Variants in CBX1 observed in about 807,000 individuals in gnomAD.
CBX1 encodes chromobox protein homolog 1.
A neutral mutation model predicts 25.1 loss-of-function variants in CBX1; 10 were observed. The ratio of observed to expected loss-of-function variants is 0.40; its 90% CI spans 0.25 to 0.68. CBX1 has a LOEUF of 0.68. CBX1 is among the 30% of genes least tolerant of loss of function. The pLI, the probability that CBX1 is intolerant of heterozygous loss-of-function variation, is 0.40. For missense variants in CBX1, 106 were observed against 218.5 expected (o/e 0.49, Z 3.25); for synonymous variants, 63 against 79.4 (o/e 0.79, Z 1.10).
At chr17:48,078,778 G>A (rs2037702129) in intron 1 of CBX1, among the ~76,000 whole-genome samples, 1 of 143,398 alleles carries the variant, frequency 7.0e-6, no homozygotes, top group Non-Finnish European at 1.5e-5. Context: ...GTGAGCCACC[G>A]TGCCTGGACT....
chr17:48,089,747 C>T lies in CBX1; in HGVS notation c.-38+11521G>A, dbSNP rs371237046. ...CTGAGGCAGGAGAATCACTTGAACC[C>T]GGGAGGTGGAGGTTGTAGTGGGCCG... On this transcript the variant is annotated intron_variant, in intron 1 of 4. Coordinates refer to ENST00000225603, the MANE Select transcript of CBX1 (RefSeq NM_001127228.2). Among the ~76,000 whole-genome samples, 696 of 149,404 alleles carry T rather than the reference C, an allele frequency of 4.7e-3. 3 individuals are homozygous for T. Among genetic ancestry groups the T allele is most frequent in the African/African-American group, 0.016 (652 of 40,794 alleles).
chr17:48,073,642 C>CA (rs776136154), intron 4 of CBX1, among the ~76,000 whole-genome samples: 5 of 151,898 alleles, frequency 3.3e-5, no homozygotes, highest in African/African-American at 4.8e-5. Flanking sequence ...GCCTGGCCAA[C>CA]ATGGTGAAAC....
Position 48,101,375 on chromosome 17 carries a change from C to G in CBX1, c.-145G>C, listed in dbSNP as rs2063409153. The G allele has an allele frequency of 4.1e-6, 4 of 985,832 alleles. No individual in the cohort carries two copies. The highest frequency in any genetic ancestry group is 4.8e-6 in the Non-Finnish European group (4 of 830,154). 61.1% of individuals were successfully genotyped at this position (985,832 alleles called of 1,614,324 possible). A position where few individuals can be genotyped will look rare whatever the true frequency, so the allele number is the denominator to read the frequency against. On this transcript the variant is annotated 5_prime_UTR_variant, in exon 1 of 5. Transcript: ENST00000225603. Reference sequence around the variant, plus strand: ...CCAGGAAGGCAGCAAGCCGGGTGGCCGCAGTGGCGTCCCTCACTGAAGCGG... The same window carrying G: ...CCAGGAAGGCAGCAAGCCGGGTGGCGGCAGTGGCGTCCCTCACTGAAGCGG...
intron 1 of CBX1, among the ~76,000 whole-genome samples, chr17:48,086,486 G>A (rs1373610490): frequency 6.6e-6 from 1 of 152,140 alleles, no homozygotes; most frequent in African/African-American, 2.4e-5. Context: ...ATAAATGTGA[G>A]GCCATGGTAA....
chr17:48,077,429 TGTTG>T (rs2037685232), intron 1 of CBX1, among the ~76,000 whole-genome samples: 2 of 76,726 alleles, frequency 2.6e-5, no homozygotes, highest in Non-Finnish European at 2.7e-5. Context: ...AGCTAATTTT[TGTTG>T]TTTTTTTTTT....
intron 1 of CBX1, among the ~76,000 whole-genome samples, chr17:48,087,381 T>G (rs1234757844): frequency 6.6e-6 from 1 of 151,208 alleles, no homozygotes; most frequent in Non-Finnish European, 1.5e-5. Flanking sequence ...GAGATCGGCC[T>G]GGCCAACATG....
intron 1 of CBX1, among the ~76,000 whole-genome samples, chr17:48,087,157 C>T (rs1378876863): frequency 2.7e-5 from 4 of 150,096 alleles, no homozygotes; most frequent in Non-Finnish European, 5.9e-5. Flanking sequence ...CCATTGCACT[C>T]TAGCCTGGGC....
At chr17:48,079,809 C>T (rs2037714121) in intron 1 of CBX1, among the ~76,000 whole-genome samples, 1 of 152,094 alleles carries the variant, frequency 6.6e-6, no homozygotes, top group Non-Finnish European at 1.5e-5. Flanking sequence ...TTTCTAAAAA[C>T]TAAGGAAGAG....
At chr17:48,080,271 A>C (rs1367411295) in intron 1 of CBX1, among the ~76,000 whole-genome samples, 1 of 152,100 alleles carries the variant, frequency 6.6e-6, no homozygotes, top group Non-Finnish European at 1.5e-5. Flanking sequence ...TCCTGACCTC[A>C]AGTGATCTGC....
chr17:48,093,724 C>T (rs1567769933), intron 1 of CBX1, among the ~76,000 whole-genome samples: 1 of 152,220 alleles, frequency 6.6e-6, no homozygotes, highest in Non-Finnish European at 1.5e-5. Flanking sequence ...GTCCCTTCTT[C>T]CCTCACAAAA....
chr17:48,084,402 C>A (rs2037768411), intron 1 of CBX1, among the ~76,000 whole-genome samples: 1 of 147,134 alleles, frequency 6.8e-6, no homozygotes, highest in Non-Finnish European at 1.5e-5. Flanking sequence ...TTAGTAGAGA[C>A]AGGTCGCCAT....
chr17:48,098,779 A>C (rs971975163), intron 1 of CBX1, among the ~76,000 whole-genome samples: 2 of 152,210 alleles, frequency 1.3e-5, no homozygotes, highest in Admixed American at 6.5e-5. Context: ...ATGAAGTGAA[A>C]ATCTACCAAA....
intron 1 of CBX1, among the ~76,000 whole-genome samples, chr17:48,085,691 C>A (rs554014354): frequency 1.3e-5 from 2 of 152,062 alleles, no homozygotes; most frequent in Non-Finnish European, 2.9e-5. Context: ...TTTAAATTGA[C>A]AAGTGCTACA....
chr17:48,074,902 C>A, intron 4 of CBX1, 104 bp downstream of exon 4: 1 of 844,820 alleles, frequency 1.2e-6, no homozygotes, highest in Non-Finnish European at 2.0e-6. Flanking sequence ...TTAACAATTT[C>A]ACACTTGGGT....
intron 1 of CBX1, among the ~76,000 whole-genome samples, chr17:48,093,599 C>A (rs1053381730): frequency 6.6e-5 from 10 of 152,160 alleles, no homozygotes; most frequent in African/African-American, 2.4e-4. Flanking sequence ...CCAGTTTGGG[C>A]TGGAGCTGAC....
chr17:48,075,005 C>T lies in CBX1; in HGVS notation c.413+1G>A. On this transcript the variant is annotated splice_donor_variant, in intron 4 of 4. Transcript: ENST00000225603. LOFTEE classifies it high-confidence loss of function. ...CCACACAGAGCCACTGGCCGACTCACCATTTCATCAGGAACATGAGCTCTC... is the reference window on the plus strand; with the variant it reads ...CCACACAGAGCCACTGGCCGACTCATCATTTCATCAGGAACATGAGCTCTC... The T allele has an allele frequency of 6.2e-7, 1 of 1,606,892 alleles. No individual in the cohort carries two copies. Among genetic ancestry groups the T allele is most frequent in the Non-Finnish European group, 8.5e-7 (1 of 1,173,396 alleles).
In CBX1 at chr17:48,081,429, T is replaced by G. The variant is rs2144442735; in HGVS notation, c.-37-4388A>C. On this transcript the variant is annotated intron_variant, in intron 1 of 4. Transcript: ENST00000225603. Reference sequence around the variant, plus strand: ...ATCTAAAGTAAAGCATTCTCATGACTTCGATCTTTACTCACTTTTATTTTT... The same window carrying G: ...ATCTAAAGTAAAGCATTCTCATGACGTCGATCTTTACTCACTTTTATTTTT... Among the ~76,000 whole-genome samples, 2 of 152,264 alleles carry G rather than the reference T, an allele frequency of 1.3e-5. 1 individual carries two copies. Among genetic ancestry groups the G allele is most frequent in the Middle Eastern group, 6.8e-3 (2 of 294 alleles).
intron 1 of CBX1, among the ~76,000 whole-genome samples, chr17:48,086,738 T>C (rs1028114667): frequency 6.6e-6 from 1 of 151,834 alleles, no homozygotes; most frequent in African/African-American, 2.4e-5. Context: ...ACATCTGTAA[T>C]CACAGCTACT....
intron 1 of CBX1, among the ~76,000 whole-genome samples, chr17:48,078,991 A>G (rs958668339): frequency 3.8e-5 from 3 of 78,912 alleles, no homozygotes; most frequent in African/African-American, 2.4e-4. Context: ...GGTTTCACCA[A>G]CGTTGGTCAA....
Sources: allele counts gnomAD v4.1 joint callset (sites outside exome capture counted in the v4.1 genomes callset), GRCh38; gene constraint gnomAD v4.1.1; transcripts MANE v1.5; gene names NCBI Gene and HGNC (gene_info 2026-07-23, HGNC 2026-07-21).